Variants in VPS26A observed in about 807,000 individuals in gnomAD.
VPS26A encodes VPS26 retromer complex component A, also known as vacuolar protein sorting-associated protein 26A.
Under a neutral mutation model 42.4 loss-of-function variants are expected in VPS26A, and 22 were observed. The ratio of observed to expected loss-of-function variants is 0.52; its 90% CI spans 0.37 to 0.74. The LOEUF is 0.74. Ranked by LOEUF, VPS26A falls within the 30% of genes least tolerant of loss-of-function variation. The pLI is 0.00. For synonymous variants in VPS26A, 110 were observed against 123.5 expected, an observed-to-expected ratio of 0.89 and a Z score of 0.73; for missense variants, 276 against 379.2, an observed-to-expected ratio of 0.73 and a Z score of 2.26.
At chr10:69,139,791 C>G (rs138016168) in intron 2 of VPS26A, among the ~76,000 whole-genome samples, 81 of 152,090 alleles carry the variant, frequency 5.3e-4, no homozygotes, top group African/African-American at 1.8e-3. Context: ...GTTTTTTGCT[C>G]TTGTATTCCT....
intron 6 of VPS26A, among the ~76,000 whole-genome samples, chr10:69,164,592 G>A (rs566497768): frequency 8.5e-5 from 13 of 152,128 alleles, no homozygotes; most frequent in Non-Finnish European, 1.8e-4. Flanking sequence ...CCATGTAGAA[G>A]TTATTGATGT....
intron 7 of VPS26A, 70 bp from the exon 8 acceptor site, chr10:69,168,419 C>G: frequency 6.6e-7 from 1 of 1,516,356 alleles, no homozygotes; most frequent in East Asian, 2.3e-5. Flanking sequence ...CTCTATAGTG[C>G]TTAGTCCTAC....
At position 69,171,448 on chromosome 10, in the gene VPS26A, T is replaced by G; in HGVS notation, c.*179T>G. The stretch of plus-strand genomic sequence containing the variant: ...TATGATATAATGAAATGTTCGTTCA[T>G]GTATATACATTTTTAAAAGTGCTTT... On this transcript the variant is annotated 3_prime_UTR_variant, in exon 9 of 9. Coordinates refer to ENST00000263559, the MANE Select transcript of VPS26A (RefSeq NM_004896.5). The G allele has an allele frequency of 2.1e-6, 1 of 484,322 alleles. No individual in the cohort carries two copies. The highest frequency in any genetic ancestry group is 3.6e-6 in the Non-Finnish European group (1 of 280,246). 30.0% of individuals were successfully genotyped at this position (484,322 alleles called of 1,614,324 possible).
At chr10:69,148,369 G>A (rs892348322) in intron 2 of VPS26A, among the ~76,000 whole-genome samples, 1 of 152,028 alleles carries the variant, frequency 6.6e-6, no homozygotes, top group Non-Finnish European at 1.5e-5. Flanking sequence ...GTCAACACAG[G>A]GGTTGACTTT....
At chr10:69,153,061 G>A (rs113792048) in intron 2 of VPS26A, among the ~76,000 whole-genome samples, 318 of 143,812 alleles carry the variant, frequency 2.2e-3, no homozygotes, top group African/African-American at 7.4e-3. Context: ...TTTTTTTTTC[G>A]GTTGGCGGGT....
chr10:69,130,063 T>A (rs1840744334), intron 1 of VPS26A, among the ~76,000 whole-genome samples: 1 of 152,238 alleles, frequency 6.6e-6, no homozygotes, highest in South Asian at 2.1e-4. Flanking sequence ...TTTGCTACTA[T>A]ACCAATGCTA....
chr10:69,147,910 C>T (rs144123282), intron 2 of VPS26A, among the ~76,000 whole-genome samples: 1 of 152,052 alleles, frequency 6.6e-6, no homozygotes, highest in African/African-American at 2.4e-5. Flanking sequence ...GACAGGATTT[C>T]GCCATTGTGC....
intron 6 of VPS26A, among the ~76,000 whole-genome samples, chr10:69,163,459 A>G (rs1478169210): frequency 6.6e-6 from 1 of 152,212 alleles, no homozygotes; most frequent in African/African-American, 2.4e-5. Context: ...AGTCCTCTTT[A>G]GGGATTATCC....
intron 6 of VPS26A, among the ~76,000 whole-genome samples, chr10:69,165,631 A>T (rs1252599415): frequency 6.6e-6 from 1 of 151,640 alleles, no homozygotes; most frequent in Non-Finnish European, 1.5e-5. Context: ...TCATGGTGAA[A>T]CCCCATCTCT....
chr10:69,157,546 G>A (rs1321786144), intron 4 of VPS26A, among the ~76,000 whole-genome samples: 1 of 152,172 alleles, frequency 6.6e-6, no homozygotes, highest in Non-Finnish European at 1.5e-5. Flanking sequence ...ATAGTGGATG[G>A]CAGAAAAGGA....
intron 1 of VPS26A, among the ~76,000 whole-genome samples, chr10:69,127,349 C>T (rs1430879695): frequency 4.6e-5 from 7 of 151,116 alleles, no homozygotes; most frequent in Non-Finnish European, 1.0e-4. Context: ...GTCAGGAGAT[C>T]AAGAGCATCC....
At chr10:69,151,005 C>T (rs779839062) in intron 2 of VPS26A, among the ~76,000 whole-genome samples, 4 of 151,820 alleles carry the variant, frequency 2.6e-5, no homozygotes, top group Non-Finnish European at 5.9e-5. Context: ...GTGGCACACA[C>T]CTGTAATCCC....
chr10:69,167,197 A>G (rs1282764377), intron 7 of VPS26A, among the ~76,000 whole-genome samples: 5 of 151,894 alleles, frequency 3.3e-5, no homozygotes, highest in Non-Finnish European at 5.9e-5. Context: ...TGGGAGGCCA[A>G]AGTGGGTGGA....
rs1841659085 is a variant in VPS26A at position 69,165,141 on chromosome 10, T to C, written c.659-901T>C. Among the ~76,000 whole-genome samples the C allele has an allele frequency of 2.0e-5, 3 of 152,168 alleles. No homozygotes were observed. The South Asian group carries it at 6.2e-4, about 32-fold the overall frequency. ...CGGGGTTTCACCGTGTTGCCTAGGC[T>C]GGTCTCGAACTCCTGAGCTCAGGCA... is the stretch of plus-strand genomic sequence containing the variant. On this transcript the variant is annotated intron_variant, in intron 6 of 8. Transcript: ENST00000263559.
chr10:69,161,543 A>G (rs895810539), intron 5 of VPS26A: 9 of 213,442 alleles, frequency 4.2e-5, no homozygotes, highest in Middle Eastern at 2.5e-3. Context: ...ATTCATTTGA[A>G]GTATTCTCTG....
At chr10:69,132,670 T>C (rs556363459) in intron 1 of VPS26A, among the ~76,000 whole-genome samples, 3 of 152,264 alleles carry the variant, frequency 2.0e-5, no homozygotes, top group African/African-American at 7.2e-5. Flanking sequence ...CTTGAACTCC[T>C]GACCTCAGGT....
chr10:69,164,040 T>G (rs567902589), intron 6 of VPS26A, among the ~76,000 whole-genome samples: 1 of 152,242 alleles, frequency 6.6e-6, no homozygotes, highest in African/African-American at 2.4e-5. Context: ...GTGCTGGGAT[T>G]ACAAGCGTGA....
At chr10:69,154,725 G>A (rs1464681073) in intron 2 of VPS26A, among the ~76,000 whole-genome samples, 1 of 151,918 alleles carries the variant, frequency 6.6e-6, no homozygotes, top group Non-Finnish European at 1.5e-5. Context: ...AATTAGCTTG[G>A]TGTAGTTATG....
intron 2 of VPS26A, among the ~76,000 whole-genome samples, chr10:69,151,278 A>AAAAAAC (rs1554854475): frequency 2.2e-3 from 123 of 56,406 alleles, no homozygotes; most frequent in Non-Finnish European, 3.1e-3. Context: ...AAAAAAAAAA[A>AAAAAAC]AAAAACACAC....
Sources: allele counts gnomAD v4.1 joint callset (sites outside exome capture counted in the v4.1 genomes callset), GRCh38; gene constraint gnomAD v4.1.1; transcripts MANE v1.5; gene names NCBI Gene and HGNC (gene_info 2026-07-23, HGNC 2026-07-21).